PLD1: variants seen among roughly 807,000 people sequenced by gnomAD.
PLD1 encodes phospholipase D1.
Under a neutral mutation model 137.1 loss-of-function variants are expected in PLD1, and 112 were observed. The observed-to-expected ratio is 0.82, with a 90% CI of 0.70 to 0.96. The LOEUF is 0.96. PLD1 is among the 40% of genes least tolerant of loss of function. PLD1 has a pLI of 0.00. For missense variants in PLD1, 1,321 were observed against 1,342.0 expected (o/e 0.98, Z 0.24); for synonymous variants, 431 against 454.7 (o/e 0.95, Z 0.66).
intron 19 of PLD1, among the ~76,000 whole-genome samples, chr3:171,673,472 G>A (rs1311646378): frequency 6.6e-6 from 1 of 151,750 alleles, no homozygotes; most frequent in African/African-American, 2.4e-5. Flanking sequence ...GTAGAGACAG[G>A]GTTGGCCAGG....
At chr3:171,702,162 T>C (rs553190354) in intron 11 of PLD1, among the ~76,000 whole-genome samples, 1 of 152,096 alleles carries the variant, frequency 6.6e-6, no homozygotes, top group East Asian at 1.9e-4. Context: ...TCAATAAAAT[T>C]TGTGAACTTC....
chr3:171,769,617 T>C (rs935000399), intron 1 of PLD1, among the ~76,000 whole-genome samples: 36 of 152,320 alleles, frequency 2.4e-4, no homozygotes, highest in African/African-American at 8.4e-4. Flanking sequence ...TGTACAATTG[T>C]GCCTTAGGGG....
At chr3:171,805,912 T>G (rs1263511127) in intron 1 of PLD1, among the ~76,000 whole-genome samples, 1 of 152,214 alleles carries the variant, frequency 6.6e-6, no homozygotes, top group Non-Finnish European at 1.5e-5. Context: ...CAGTGGCTCA[T>G]GCCTGTGAAT....
At chr3:171,765,002 GAAAGA>G (rs1721876397) in intron 1 of PLD1, 1 of 145,136 alleles carries the variant, frequency 6.9e-6, no homozygotes, top group Non-Finnish European at 1.5e-5. Context: ...AAGAAAGAAA[GAAAGA>G]GAAAAAGAAA....
intron 9 of PLD1, among the ~76,000 whole-genome samples, chr3:171,710,126 G>T (rs958712406): frequency 7.9e-5 from 12 of 151,946 alleles, no homozygotes; most frequent in Admixed American, 7.2e-4. Context: ...GCAGTGGCGC[G>T]ATCTAGGCTC....
At chr3:171,645,883 C>CAAAAAAAA (rs1162718346) in intron 21 of PLD1, among the ~76,000 whole-genome samples, 5 of 59,214 alleles carry the variant, frequency 8.4e-5, no homozygotes, top group Non-Finnish European at 1.4e-4. Context: ...GACTCCATCT[C>CAAAAAAAA]AAAAAAAAAA....
rs775277178 is a variant in PLD1 at position 171,692,428 on chromosome 3, C to T, written c.1242G>A (p.Arg414=). 2 of 1,569,796 alleles carry T rather than the reference C, an allele frequency of 1.3e-6. No individual in the cohort carries two copies. The highest frequency in any genetic ancestry group is 1.8e-6 in the Non-Finnish European group (2 of 1,139,650). ...CCTCTTTGTAGAGCATTATGAAGAT[C>T]CTCACTCCTTGTTGCTGTCACAGGA... ...ILKRKAQQGV[R]IFIMLYKEVE... is the part of the protein sequence containing the mutation. The change falls in exon 13 of 27, where the codon AGG becomes AGA. Residue 414 remains arginine, a synonymous_variant. Coordinates refer to ENST00000351298, the MANE Select transcript of PLD1 (RefSeq NM_002662.5).
chr3:171,682,836 T>C (rs1714151472), intron 16 of PLD1, among the ~76,000 whole-genome samples: 1 of 152,210 alleles, frequency 6.6e-6, no homozygotes, highest in South Asian at 2.1e-4. Context: ...GGAATCGACT[T>C]TGGAAAGCAC....
At chr3:171,672,349 G>C (rs1167103835) in intron 19 of PLD1, among the ~76,000 whole-genome samples, 1 of 152,174 alleles carries the variant, frequency 6.6e-6, no homozygotes, top group African/African-American at 2.4e-5. Context: ...TATGTTGGCT[G>C]AATAAATGAA....
intron 26 of PLD1, among the ~76,000 whole-genome samples, chr3:171,604,750 TTATTAA>T (rs1168746954): frequency 2.0e-5 from 3 of 152,238 alleles, no homozygotes; most frequent in Non-Finnish European, 4.4e-5. Context: ...ACATGTCTTG[TTATTAA>T]TATTAACAAG....
At chr3:171,762,127 C>T (rs142331288) in intron 1 of PLD1, among the ~76,000 whole-genome samples, 10 of 152,282 alleles carry the variant, frequency 6.6e-5, no homozygotes, top group African/African-American at 1.7e-4. Context: ...GTCCAACAGA[C>T]GAGCACCTTA....
chr3:171,735,101 G>A (rs969123910), intron 4 of PLD1, 131 bp from the exon 5 acceptor site: 3 of 619,546 alleles, frequency 4.8e-6, no homozygotes, highest in Non-Finnish European at 8.7e-6. Context: ...CAATAGACTA[G>A]TTAGCCGATA....
At chr3:171,711,313 G>A (rs1205674015) in intron 9 of PLD1, among the ~76,000 whole-genome samples, 1 of 151,588 alleles carries the variant, frequency 6.6e-6, no homozygotes, top group Non-Finnish European at 1.5e-5. Context: ...TGGGACTACA[G>A]GCGCGCACCA....
intron 1 of PLD1, among the ~76,000 whole-genome samples, chr3:171,751,129 A>G (rs1016003351): frequency 1.3e-5 from 2 of 152,246 alleles, no homozygotes; most frequent in Non-Finnish European, 2.9e-5. Context: ...AAATAAAATT[A>G]GTTCTCTACC....
At chr3:171,704,500 A>C (rs1273608925) in intron 11 of PLD1, among the ~76,000 whole-genome samples, 4 of 151,454 alleles carry the variant, frequency 2.6e-5, no homozygotes, top group Admixed American at 2.6e-4. Context: ...CAGAAAAGGG[A>C]ATCAGCAGAT....
intron 8 of PLD1, among the ~76,000 whole-genome samples, chr3:171,720,479 A>T (rs1348667082): frequency 2.0e-5 from 3 of 150,826 alleles, no homozygotes; most frequent in Non-Finnish European, 4.4e-5. Context: ...CTACTCGGAG[A>T]GCCTGAGGCA....
chr3:171,737,548 A>T lies in PLD1; in HGVS notation c.272T>A (p.Phe91Tyr). 1 of 1,610,990 alleles carries T rather than the reference A, an allele frequency of 6.2e-7. No individual in the cohort carries two copies. The highest frequency in any genetic ancestry group is 8.5e-7 in the Non-Finnish European group (1 of 1,179,246). ...IKAQVLEVER[F>Y]TSTTRVPSIN... is the part of the protein sequence containing the mutation. Reference sequence around the variant, plus strand: ...CGCTCTGACCCTTGTTGTAGATGTGAAGCGTTCCACTTCCAGAACTTGTGC... The same window carrying T: ...CGCTCTGACCCTTGTTGTAGATGTGTAGCGTTCCACTTCCAGAACTTGTGC... Residue 91 changes from phenylalanine to tyrosine, a missense_variant, in exon 3 of 27, where the codon TTC becomes TAC. Physicochemically the swap from Phe to Tyr is conservative, Grantham distance 22 (BLOSUM62 3). Transcript: ENST00000351298.
chr3:171,705,002 C>T (rs1716565410), intron 11 of PLD1, among the ~76,000 whole-genome samples: 1 of 152,142 alleles, frequency 6.6e-6, no homozygotes, highest in East Asian at 1.9e-4. Context: ...GCTGATCTGA[C>T]AGGAGGCGGA....
In PLD1 at chr3:171,603,100, A is replaced by G; in HGVS notation, c.3203T>C (p.Val1068Ala). Residue 1068 changes from valine (V) to alanine (A), a missense_variant, in exon 27 of 27, where the codon GTG becomes GCG. Transcript: ENST00000351298. ...CTCTTAAGTCCAAACCTCCATGGGCACTATGGCCTCTTTGGTCCCAACAGA... is the reference window on the plus strand; with the variant it reads ...CTCTTAAGTCCAAACCTCCATGGGCGCTATGGCCTCTTTGGTCCCAACAGA... ...LPSVGTKEAI[V>A]PMEVWT 1 of 1,613,748 alleles carries G rather than the reference A, an allele frequency of 6.2e-7. No individual in the cohort carries two copies. Among genetic ancestry groups the G allele is most frequent in the Non-Finnish European group, 8.5e-7 (1 of 1,179,794 alleles).
Sources: gnomAD v4.1 joint callset for allele counts (sites outside exome capture counted in the v4.1 genomes callset) on GRCh38, gnomAD v4.1.1 for gene constraint, MANE v1.5 for transcripts, NCBI Gene and HGNC (gene_info 2026-07-23, HGNC 2026-07-21) for gene names.